CSMD1: variants seen among roughly 807,000 people sequenced by gnomAD.
The protein encoded by CSMD1 is CUB and sushi domain-containing protein 1.
In CSMD1, 213 loss-of-function variants were observed where a neutral mutation model predicts 417.5. The ratio of observed to expected loss-of-function variants is 0.51; its 90% CI spans 0.46 to 0.57. The LOEUF is 0.57. Ranked by LOEUF, CSMD1 falls within the 20% of genes least tolerant of loss-of-function variation. CSMD1 has a pLI of 0.00. For synonymous variants in CSMD1, 2,862 were observed against 1,736.8 expected, an observed-to-expected ratio of 1.65 and a Z score of -16.11; for missense variants, 6,923 against 4,529.7, an observed-to-expected ratio of 1.53 and a Z score of -15.17.
intron 5 of CSMD1, among the ~76,000 whole-genome samples, chr8:3,958,384 G>T (rs776638687): frequency 6.7e-6 from 1 of 150,202 alleles, no homozygotes; most frequent in Non-Finnish European, 1.5e-5. Flanking sequence ...CACTCTCTAG[G>T]AAACCAAAAA....
chr8:3,670,081 T>C (rs1004720716), intron 7 of CSMD1, among the ~76,000 whole-genome samples: 5 of 152,136 alleles, frequency 3.3e-5, no homozygotes, highest in Non-Finnish European at 7.3e-5. Context: ...GAGTGTCAAC[T>C]TGATTGGATT....
chr8:4,378,266 A>G (rs745363636), intron 3 of CSMD1, among the ~76,000 whole-genome samples: 2 of 152,234 alleles, frequency 1.3e-5, no homozygotes, highest in Admixed American at 6.5e-5. Flanking sequence ...TTGTCAATAC[A>G]TTGTCCCTGT....
intron 5 of CSMD1, among the ~76,000 whole-genome samples, chr8:3,991,615 G>A (rs1273806547): frequency 6.6e-6 from 1 of 152,200 alleles, no homozygotes; most frequent in South Asian, 2.1e-4. Context: ...TAACAGAGAT[G>A]ACTACAAATT....
chr8:4,549,258 G>C lies in CSMD1; in HGVS notation c.302+88084C>G, dbSNP rs865902416. On this transcript the variant is annotated intron_variant, in intron 2 of 69. Coordinates refer to ENST00000635120, the MANE Select transcript of CSMD1 (RefSeq NM_033225.6). ...CCCTACCATATTCCAGAATGCCAAA[G>C]AAATTATAACGGAAGACCAAACACC... Among the ~76,000 whole-genome samples, 5 of 152,116 alleles carry C rather than the reference G, an allele frequency of 3.3e-5. No homozygotes were observed. The South Asian group carries it at 6.2e-4, about 19-fold the overall frequency.
At chr8:3,415,922 G>T (rs949289769) in intron 12 of CSMD1, among the ~76,000 whole-genome samples, 2 of 152,134 alleles carry the variant, frequency 1.3e-5, no homozygotes, top group Admixed American at 1.3e-4. Flanking sequence ...AAGATTTTGA[G>T]TTGCATATGA....
chr8:3,893,410 A>T (rs916006178), intron 5 of CSMD1, among the ~76,000 whole-genome samples: 5 of 143,544 alleles, frequency 3.5e-5, no homozygotes, highest in Non-Finnish European at 6.1e-5. Flanking sequence ...CTTGAAGCTT[A>T]ACAAAATCTG....
chr8:4,047,052 T>A (rs114907870), intron 3 of CSMD1, among the ~76,000 whole-genome samples: 1 of 152,124 alleles, frequency 6.6e-6, no homozygotes. Flanking sequence ...GGAGTCCAAA[T>A]GAATACAGAA....
At chr8:4,542,498 C>G (rs183164167) in intron 2 of CSMD1, among the ~76,000 whole-genome samples, 1 of 152,176 alleles carries the variant, frequency 6.6e-6, no homozygotes, top group East Asian at 1.9e-4. Context: ...TTTAAAAAAG[C>G]ACAATTATTG....
At chr8:3,776,875 A>T (rs1025271888) in intron 5 of CSMD1, among the ~76,000 whole-genome samples, 3 of 150,700 alleles carry the variant, frequency 2.0e-5, no homozygotes, top group Non-Finnish European at 4.4e-5. Context: ...GATAGCTGAT[A>T]GATATAACTT....
At chr8:3,951,307 C>A (rs931113229) in intron 5 of CSMD1, among the ~76,000 whole-genome samples, 1 of 152,128 alleles carries the variant, frequency 6.6e-6, no homozygotes, top group African/African-American at 2.4e-5. Context: ...TTCCATGGCA[C>A]CTTCTCCTCG....
chr8:3,879,573 T>C (rs1186891918), intron 5 of CSMD1, among the ~76,000 whole-genome samples: 1 of 152,180 alleles, frequency 6.6e-6, no homozygotes, highest in Non-Finnish European at 1.5e-5. Flanking sequence ...GATATTACCT[T>C]AACAATCACA....
chr8:3,479,500 G>T (rs1817613218), intron 11 of CSMD1, among the ~76,000 whole-genome samples: 1 of 152,064 alleles, frequency 6.6e-6, no homozygotes, highest in African/African-American at 2.4e-5. Context: ...TGCTAGTCTT[G>T]AACTCCCGAC....
chr8:3,656,034 C>G (rs950532455), intron 7 of CSMD1, among the ~76,000 whole-genome samples: 2 of 152,156 alleles, frequency 1.3e-5, no homozygotes, highest in Non-Finnish European at 2.9e-5. Context: ...GGACATCTCT[C>G]TGGGGGAAAT....
chr8:4,189,094 A>G (rs1006215546), intron 3 of CSMD1, among the ~76,000 whole-genome samples: 20 of 152,206 alleles, frequency 1.3e-4, no homozygotes, highest in African/African-American at 4.6e-4. Flanking sequence ...AAAATACATG[A>G]CATTCACGTT....
At chr8:3,987,790 T>A (rs541017455) in intron 5 of CSMD1, among the ~76,000 whole-genome samples, 1 of 152,308 alleles carries the variant, frequency 6.6e-6, no homozygotes, top group East Asian at 1.9e-4. Flanking sequence ...CTGCGCCACG[T>A]CAAGAAGCAT....
At chr8:3,691,154 G>A (rs550921856) in intron 7 of CSMD1, among the ~76,000 whole-genome samples, 1 of 151,992 alleles carries the variant, frequency 6.6e-6, no homozygotes, top group African/African-American at 2.4e-5. Context: ...ATCACCTGAG[G>A]TCAGGAGTTT....
intron 2 of CSMD1, among the ~76,000 whole-genome samples, chr8:4,468,890 A>T (rs761892155): frequency 6.6e-6 from 1 of 152,180 alleles, no homozygotes; most frequent in Non-Finnish European, 1.5e-5. Context: ...GGAATTTTAG[A>T]ATATTTTGGC....
At chr8:3,140,475 G>T (rs1218591392) in intron 41 of CSMD1, among the ~76,000 whole-genome samples, 1 of 152,046 alleles carries the variant, frequency 6.6e-6, no homozygotes, top group Admixed American at 6.6e-5. Flanking sequence ...GAAAAATGCT[G>T]GCAATGTCTA....
chr8:3,016,599 C>G (rs905718005), intron 52 of CSMD1, among the ~76,000 whole-genome samples: 4 of 152,120 alleles, frequency 2.6e-5, no homozygotes, highest in African/African-American at 9.7e-5. Context: ...CATGGTTTAC[C>G]CATTAGTATG....
Sources: gnomAD v4.1 joint callset for allele counts (sites outside exome capture counted in the v4.1 genomes callset) on GRCh38, gnomAD v4.1.1 for gene constraint, MANE v1.5 for transcripts, NCBI Gene and HGNC (gene_info 2026-07-23, HGNC 2026-07-21) for gene names.